Variants in ABI1 observed in about 807,000 individuals in gnomAD.
ABI1 encodes abl interactor 1.
A neutral mutation model predicts 54.6 loss-of-function variants in ABI1; 14 were observed. That is an observed-to-expected ratio of 0.26 (90% CI 0.17 to 0.40). ABI1 has a LOEUF of 0.40. ABI1 is among the 10% of genes least tolerant of loss of function. The pLI is 1.00. For synonymous variants in ABI1, 194 were observed against 209.3 expected (o/e 0.93, Z 0.63); for missense variants, 443 against 598.3 (o/e 0.74, Z 2.71).
chr10:26,748,314 G>T lies in ABI1; in HGVS notation c.*256C>A, dbSNP rs1837162707. The T allele has an allele frequency of 6.0e-6, 2 of 330,650 alleles. No individual in the cohort carries two copies. The highest frequency in any genetic ancestry group is 8.1e-4 in the Middle Eastern group (1 of 1,236). The allele number at this position is 330,650 out of a possible 1,614,324, so 20.5% of individuals were successfully genotyped here. ...CACTTCCCCCAGAATATTTAGGCTG[G>T]TCATAAAGTTAAAAATGTGTAAGTA... On this transcript the variant is annotated 3_prime_UTR_variant, in exon 11 of 11. Coordinates refer to ENST00000376140, the MANE Select transcript of ABI1 (RefSeq NM_001012750.3).
chr10:26,806,304 G>A (rs1020227109), intron 2 of ABI1, among the ~76,000 whole-genome samples: 2 of 152,206 alleles, frequency 1.3e-5, no homozygotes, highest in Admixed American at 1.3e-4. Flanking sequence ...ATGGGATTTG[G>A]AAACTGAAAG....
intron 10 of ABI1, among the ~76,000 whole-genome samples, chr10:26,750,786 A>C (rs894154370): frequency 6.6e-6 from 1 of 152,230 alleles, no homozygotes; most frequent in Non-Finnish European, 1.5e-5. Flanking sequence ...AAAAATAAAA[A>C]CTAGAAACAG....
At chr10:26,751,390 C>T (rs901841453) in intron 10 of ABI1, among the ~76,000 whole-genome samples, 1 of 148,716 alleles carries the variant, frequency 6.7e-6, no homozygotes, top group Non-Finnish European at 1.5e-5. Context: ...GCAAATCTAA[C>T]ACTGCAACTT....
chr10:26,755,939 G>A (rs1838248028), intron 8 of ABI1, among the ~76,000 whole-genome samples, 198 bp from the exon 9 acceptor site: 1 of 152,078 alleles, frequency 6.6e-6, no homozygotes, highest in African/African-American at 2.4e-5. Context: ...CAAACCTAAA[G>A]GCCAAGTTGT....
intron 1 of ABI1, among the ~76,000 whole-genome samples, chr10:26,826,652 T>C (rs1000542156): frequency 3.9e-5 from 6 of 152,256 alleles, no homozygotes; most frequent in Admixed American, 6.5e-5. Context: ...AAATCTGATA[T>C]TAAGTGTAGC....
At chr10:26,802,369 C>T (rs1443254833) in intron 2 of ABI1, among the ~76,000 whole-genome samples, 2 of 152,120 alleles carry the variant, frequency 1.3e-5, no homozygotes, top group Non-Finnish European at 1.5e-5. Context: ...TAAACTAAAA[C>T]AGCACTGTCC....
chr10:26,768,888 C>T lies in ABI1; in HGVS notation c.683G>A (p.Arg228Lys), dbSNP rs1263585161. The T allele has an allele frequency of 6.2e-7, 1 of 1,613,646 alleles. No individual in the cohort carries two copies. Among genetic ancestry groups the T allele is most frequent in the East Asian group, 2.2e-5 (1 of 44,842 alleles). The change falls in exon 6 of 11, where the codon AGG becomes AAG. Residue 228 changes from arginine (R) to lysine (K), a missense_variant. Transcript: ENST00000376140. ...TGGTCTCTGATTTAAAGATGCTGTCCTGCCTGGACTATGCTGACTTCCAAG... is the reference window on the plus strand; with the variant it reads ...TGGTCTCTGATTTAAAGATGCTGTCTTGCCTGGACTATGCTGACTTCCAAG... ...ARLGSQHSPG[R>K]TASLNQRPRT...
intron 1 of ABI1, among the ~76,000 whole-genome samples, chr10:26,851,495 A>G (rs1279364670): frequency 6.6e-6 from 1 of 151,740 alleles, no homozygotes; most frequent in Non-Finnish European, 1.5e-5. Context: ...CTAGCTGACA[A>G]TAGTGTAATA....
intron 2 of ABI1, among the ~76,000 whole-genome samples, chr10:26,816,186 G>C (rs928595384): frequency 6.6e-6 from 1 of 152,212 alleles, no homozygotes; most frequent in South Asian, 2.1e-4. Flanking sequence ...GGGTATCAAA[G>C]AGAGAACTGG....
rs142666498 is a variant in ABI1 at position 26,746,947 on chromosome 10, G to T, written c.*1623C>A. On this transcript the variant is annotated 3_prime_UTR_variant, in exon 11 of 11. Coordinates refer to ENST00000376140, the MANE Select transcript of ABI1 (RefSeq NM_001012750.3). Reference sequence around the variant, plus strand: ...GACTGTACATAAAATTTAGACAACAGGTTATATACAAATTAAGAGAACAAT... The same window carrying T: ...GACTGTACATAAAATTTAGACAACATGTTATATACAAATTAAGAGAACAAT... 587 of 239,340 alleles carry T rather than the reference G, an allele frequency of 2.5e-3. 2 individuals carry two copies. The highest frequency in any genetic ancestry group is 0.012 in the African/African-American group (534 of 44,596). The allele number at this position is 239,340 out of a possible 1,614,324, so 14.8% of individuals were successfully genotyped here.
chr10:26,788,067 T>C (rs1216893617), intron 2 of ABI1, among the ~76,000 whole-genome samples: 3 of 152,212 alleles, frequency 2.0e-5, no homozygotes, highest in Admixed American at 1.3e-4. Context: ...GGGAGGGACA[T>C]AGTGGGAGAT....
At chr10:26,857,843 T>A (rs1340540212) in intron 1 of ABI1, among the ~76,000 whole-genome samples, 1 of 137,636 alleles carries the variant, frequency 7.3e-6, no homozygotes, top group East Asian at 2.0e-4. Context: ...AGAGCAAGTC[T>A]GTCTCAAAAA....
rs539883149 is a variant in ABI1, at chr10:26,748,828, T to A, written c.1271-83A>T. 52 of 973,288 alleles carry A rather than the reference T, an allele frequency of 5.3e-5. No individual in the cohort carries two copies. The Admixed American group carries it at 1.4e-3, about 26-fold the overall frequency. The allele number at this position is 973,288 out of a possible 1,614,324, so 60.3% of individuals were successfully genotyped here. ...ATTTTAAGACAAAGACAATTAAATA[T>A]ATAGCACAGCAAAACTATTTTTATG... is the stretch of plus-strand genomic sequence containing the variant. On this transcript the variant is annotated intron_variant, in intron 10 of 10. Coordinates refer to ENST00000376140, the MANE Select transcript of ABI1 (RefSeq NM_001012750.3).
intron 2 of ABI1, among the ~76,000 whole-genome samples, chr10:26,816,267 A>T (rs2047558519): frequency 6.6e-6 from 1 of 152,254 alleles, no homozygotes; most frequent in Non-Finnish European, 1.5e-5. Flanking sequence ...TTCGAATTGA[A>T]TGTAAATGGG....
At chr10:26,844,221 C>A (rs1209442259) in intron 1 of ABI1, among the ~76,000 whole-genome samples, 2 of 152,078 alleles carry the variant, frequency 1.3e-5, no homozygotes, top group African/African-American at 2.4e-5. Context: ...GCCTCCCAAT[C>A]CCCCTTCCCC....
intron 7 of ABI1, among the ~76,000 whole-genome samples, chr10:26,764,552 T>C (rs1294903791): frequency 6.6e-6 from 1 of 152,172 alleles, no homozygotes; most frequent in East Asian, 1.9e-4. Flanking sequence ...CGTACAATAC[T>C]GGTTTGCTCT....
At chr10:26,819,712 CAT>C (rs1376288286) in intron 2 of ABI1, among the ~76,000 whole-genome samples, 2 of 152,146 alleles carry the variant, frequency 1.3e-5, no homozygotes, top group Non-Finnish European at 2.9e-5. Flanking sequence ...GGACTCACAG[CAT>C]ATAAAGTATT....
At chr10:26,804,162 C>T (rs1156320241) in intron 2 of ABI1, among the ~76,000 whole-genome samples, 2 of 152,108 alleles carry the variant, frequency 1.3e-5, no homozygotes, top group African/African-American at 2.4e-5. Flanking sequence ...GCAAGCAGAT[C>T]ACCTGGGGTC....
intron 1 of ABI1, among the ~76,000 whole-genome samples, chr10:26,825,769 A>G (rs1460721867): frequency 6.6e-6 from 1 of 152,240 alleles, no homozygotes; most frequent in Non-Finnish European, 1.5e-5. Flanking sequence ...TGTCATTTCA[A>G]CAAGGTTCAC....
Sources: allele counts gnomAD v4.1 joint callset (sites outside exome capture counted in the v4.1 genomes callset), GRCh38; gene constraint gnomAD v4.1.1; transcripts MANE v1.5; gene names NCBI Gene and HGNC (gene_info 2026-07-23, HGNC 2026-07-21).